Variants in RIMS2 observed in about 807,000 individuals in gnomAD.
The protein encoded by RIMS2 is regulating synaptic membrane exocytosis 2.
Under a neutral mutation model 174.4 loss-of-function variants are expected in RIMS2, and 59 were observed. The ratio of observed to expected loss-of-function variants is 0.34; its 90% CI spans 0.27 to 0.42. The LOEUF (loss-of-function observed/expected upper bound fraction) is 0.42, where lower values mean the gene tolerates loss of function less well. RIMS2 is among the 10% of genes least tolerant of loss of function. The pLI is 1.00. For synonymous variants in RIMS2, 606 were observed against 572.5 expected, an observed-to-expected ratio of 1.06 and a Z score of -0.84; for missense variants, 1,620 against 1,666.3, an observed-to-expected ratio of 0.97 and a Z score of 0.48.
intron 3 of RIMS2, among the ~76,000 whole-genome samples, chr8:103,847,083 T>C (rs898499544): frequency 6.6e-6 from 1 of 151,796 alleles, no homozygotes; most frequent in African/African-American, 2.4e-5. Context: ...GGGATCACAG[T>C]GACCGGGCAG....
At chr8:103,543,260 C>G (rs1843366507) in intron 1 of RIMS2, among the ~76,000 whole-genome samples, 1 of 152,016 alleles carries the variant, frequency 6.6e-6, no homozygotes, top group Non-Finnish European at 1.5e-5. Flanking sequence ...AGAAAATATC[C>G]TGTTTACAAT....
chr8:103,526,556 TTAGAC>T (rs893166013), intron 1 of RIMS2, among the ~76,000 whole-genome samples: 2 of 152,168 alleles, frequency 1.3e-5, no homozygotes, highest in African/African-American at 2.4e-5. Flanking sequence ...ATGAATCTGT[TTAGAC>T]TAGCAAAATA....
At position 103,587,920 on chromosome 8, in the gene RIMS2, G is replaced by C. The variant is rs75586055; in HGVS notation, c.176+86858G>C. Among the ~76,000 whole-genome samples, 493 of 152,094 alleles carry C rather than the reference G, an allele frequency of 3.2e-3. 6 individuals carry two copies. Among genetic ancestry groups the C allele is most frequent in the African/African-American group, 0.011 (477 of 41,536 alleles). On this transcript the variant is annotated intron_variant, in intron 1 of 23. Coordinates refer to ENST00000504942, the Ensembl canonical transcript of RIMS2. ...AGTCCTAGCTATAGCATTCAGACAGGAGAAGGAAATAAAGGATATCTAAAT... is the reference window on the plus strand; with the variant it reads ...AGTCCTAGCTATAGCATTCAGACAGCAGAAGGAAATAAAGGATATCTAAAT...
chr8:104,028,275 G>A (rs1198782116), intron 19 of RIMS2, among the ~76,000 whole-genome samples: 1 of 151,986 alleles, frequency 6.6e-6, no homozygotes, highest in Non-Finnish European at 1.5e-5. Context: ...AGATGTATGG[G>A]TTTCTTAAAT....
At chr8:103,561,044 G>A (rs1211139705) in intron 1 of RIMS2, among the ~76,000 whole-genome samples, 1 of 152,202 alleles carries the variant, frequency 6.6e-6, no homozygotes, top group East Asian at 1.9e-4. Flanking sequence ...TTAGCTCAGT[G>A]ACTCAGTTGC....
At chr8:103,796,960 A>G (rs896452993) in intron 3 of RIMS2, among the ~76,000 whole-genome samples, 1 of 152,178 alleles carries the variant, frequency 6.6e-6, no homozygotes, top group Non-Finnish European at 1.5e-5. Context: ...TAGTATAATA[A>G]TACATGGGAG....
intron 1 of RIMS2, among the ~76,000 whole-genome samples, chr8:103,596,798 A>G (rs2094495189): frequency 6.6e-6 from 1 of 152,102 alleles, no homozygotes; most frequent in South Asian, 2.1e-4. Context: ...AGAAAAAAGA[A>G]TAAAAACCTA....
chr8:103,632,731 A>ATTTTTT lies in RIMS2; in HGVS notation c.177-64335_177-64330dup, dbSNP rs61579273. ...CCACTGCGCCCGGCCATATTTATTG[A>ATTTTTT]TTTTTTTTTTTTTTTTTTTTTTTTT... On this transcript the variant is annotated intron_variant, in intron 1 of 23. Transcript: ENST00000504942. 1.5e-3 allele frequency among the ~76,000 whole-genome samples: 104 copies of ATTTTTT among 70,414 alleles called. 3 individuals are homozygous for ATTTTTT. The highest frequency in any genetic ancestry group is 3.0e-3 in the African/African-American group (49 of 16,286). 46.2% of individuals were successfully genotyped at this position (70,414 alleles called of 152,430 possible).
intron 1 of RIMS2, among the ~76,000 whole-genome samples, chr8:103,626,986 A>G (rs1364894058): frequency 6.6e-6 from 1 of 152,210 alleles, no homozygotes; most frequent in Admixed American, 6.5e-5. Flanking sequence ...ACAGGGTTTT[A>G]GAGCAGACAA....
intron 14 of RIMS2, among the ~76,000 whole-genome samples, chr8:103,960,120 A>T (rs2089437145): frequency 6.6e-6 from 1 of 152,232 alleles, no homozygotes; most frequent in Non-Finnish European, 1.5e-5. Flanking sequence ...AGACTAATAA[A>T]GAATTCTGTT....
Position 103,912,181 on chromosome 8 carries a change from TA to T in RIMS2, c.1812+14del. ...CAATGCTTGGCTTGAAGGTATGTAA[TA>T]AAAAGTATGAGATTTTGGCTCTATA... On this transcript the variant is annotated intron_variant, in intron 6 of 23. Transcript: ENST00000504942. 1 of 1,602,362 alleles carries T rather than the reference TA, an allele frequency of 6.2e-7. No homozygotes were observed. The highest frequency in any genetic ancestry group is 8.5e-7 in the Non-Finnish European group (1 of 1,172,502).
intron 1 of RIMS2, among the ~76,000 whole-genome samples, chr8:103,677,031 T>A (rs1334890139): frequency 6.6e-6 from 1 of 152,178 alleles, no homozygotes; most frequent in Admixed American, 6.5e-5. Context: ...TCATTTGGAA[T>A]GTTTCAGTGT....
In RIMS2 at chr8:103,707,729, A is replaced by C. The variant is rs151067942; in HGVS notation, c.387+10433A>C. The stretch of plus-strand genomic sequence containing the variant: ...CAATCCCATGGCGTCTCAAATCAGC[A>C]CAGTACAGGGGCTTGCCCAAGGACC... On this transcript the variant is annotated intron_variant, in intron 2 of 23. Coordinates refer to ENST00000504942, the Ensembl canonical transcript of RIMS2. 6.2e-3 allele frequency among the ~76,000 whole-genome samples: 937 copies of C among 152,288 alleles called. 12 individuals carry two copies. Among genetic ancestry groups the C allele is most frequent in the African/African-American group, 0.021 (887 of 41,564 alleles).
At chr8:103,834,499 A>G (rs561808774) in intron 3 of RIMS2, among the ~76,000 whole-genome samples, 50 of 151,718 alleles carry the variant, frequency 3.3e-4, no homozygotes, top group Middle Eastern at 3.4e-3. Context: ...CACTGTGCTC[A>G]GAAGAGCTCC....
chr8:103,829,772 G>T (rs2098814456), intron 3 of RIMS2, among the ~76,000 whole-genome samples: 1 of 151,302 alleles, frequency 6.6e-6, no homozygotes, highest in Non-Finnish European at 1.5e-5. Context: ...TCATTACATG[G>T]GTGATGAAAT....
Position 103,501,183 on chromosome 8 carries a change from A to G in RIMS2, c.176+121A>G, listed in dbSNP as rs1819572944. 6 of 668,610 alleles carry G rather than the reference A, an allele frequency of 9.0e-6. No individual in the cohort carries two copies. In the Admixed American group the frequency reaches 2.2e-4, roughly 25 times the overall value. 41.4% of individuals were successfully genotyped at this position (668,610 alleles called of 1,614,324 possible). Reference sequence around the variant, plus strand: ...CCCTCCCGCTGGCGGCGCCCAGGCCACGAGGGCTGCGGCCAGCGCCGGCCG... The same window carrying G: ...CCCTCCCGCTGGCGGCGCCCAGGCCGCGAGGGCTGCGGCCAGCGCCGGCCG... On this transcript the variant is annotated intron_variant, in intron 1 of 23. Transcript: ENST00000504942.
At chr8:104,253,760 ACATCT>A (rs1450107257), downstream of RIMS2, 1 of 152,232 alleles carries the variant, frequency 6.6e-6, no homozygotes, top group African/African-American at 2.4e-5. Context: ...AAATCCACAT[ACATCT>A]CATTTGTTTA....
intron 19 of RIMS2, among the ~76,000 whole-genome samples, chr8:104,227,224 T>TA (rs1425421734): frequency 1.3e-5 from 2 of 151,358 alleles, no homozygotes; most frequent in Non-Finnish European, 2.9e-5. Context: ...TTTTTTTTTT[T>TA]TTGCATCCTT....
At chr8:103,746,320 A>T (rs960012640) in intron 2 of RIMS2, among the ~76,000 whole-genome samples, 1 of 151,954 alleles carries the variant, frequency 6.6e-6, no homozygotes, top group Non-Finnish European at 1.5e-5. Context: ...CCTTATGCCA[A>T]TATCTCAGTC....
Sources: allele counts gnomAD v4.1 joint callset (sites outside exome capture counted in the v4.1 genomes callset), GRCh38; gene constraint gnomAD v4.1.1; transcripts MANE v1.5; gene names NCBI Gene and HGNC (gene_info 2026-07-23, HGNC 2026-07-21).